The following NTRK2 variants were observed in gnomAD, a reference collection of about 807,000 sequenced individuals.
The protein encoded by NTRK2 is neurotrophic receptor tyrosine kinase 2.
A neutral mutation model predicts 94.5 loss-of-function variants in NTRK2; 13 were observed. That is an observed-to-expected ratio of 0.14 (90% CI 0.09 to 0.22). NTRK2 has a LOEUF of 0.22. NTRK2 is among the 10% of genes least tolerant of loss of function. NTRK2 has a pLI of 1.00. For missense variants in NTRK2, 639 were observed against 1,071.2 expected (o/e 0.60, Z 5.63); for synonymous variants, 372 against 407.4 (o/e 0.91, Z 1.05).
At position 84,724,268 on chromosome 9, in the gene NTRK2, T is replaced by G; in HGVS notation, c.765T>G (p.Ile255Met). The G allele has an allele frequency of 6.2e-7, 1 of 1,614,134 alleles. No homozygotes were observed. The highest frequency in any genetic ancestry group is 1.3e-5 in the African/African-American group (1 of 75,062). ...HTQGSLRITN[I>M]SSDDSGKQIS... Reference sequence around the variant, plus strand: ...AGGGCTCCTTAAGGATAACTAACATTTCATCCGATGACAGTGGGAAGCAGA... The same window carrying G: ...AGGGCTCCTTAAGGATAACTAACATGTCATCCGATGACAGTGGGAAGCAGA... The change falls in exon 8 of 19, where the codon ATT (isoleucine) becomes ATG (methionine). Residue 255 changes from isoleucine to methionine, a missense_variant. Coordinates refer to ENST00000277120, the MANE Select transcript of NTRK2 (RefSeq NM_006180.6).
Position 84,958,057 on chromosome 9 carries a change from G to A in NTRK2, c.2172+2540G>A, listed in dbSNP as rs1824381825. Among the ~76,000 whole-genome samples the A allele has an allele frequency of 2.6e-5, 4 of 152,146 alleles. No individual in the cohort carries two copies. The South Asian group carries it at 8.3e-4, about 32-fold the overall frequency. On this transcript the variant is annotated intron_variant, in intron 17 of 18. Transcript: ENST00000277120. ...CAGAATAGGCAAATCCATAGAGACA[G>A]GAAGTAGATTAATGGTTACCGGGAG...
At chr9:84,938,011 C>G (rs1401957975) in intron 15 of NTRK2, among the ~76,000 whole-genome samples, 2 of 151,956 alleles carry the variant, frequency 1.3e-5, no homozygotes, top group Non-Finnish European at 2.9e-5. Flanking sequence ...GGAGAGAGAC[C>G]TTAGAAATCA....
At chr9:84,792,976 A>T (rs1037512531) in intron 12 of NTRK2, among the ~76,000 whole-genome samples, 2 of 152,188 alleles carry the variant, frequency 1.3e-5, no homozygotes, top group Non-Finnish European at 2.9e-5. Context: ...AGCTGTAACT[A>T]CCATCAGTAT....
intron 14 of NTRK2, among the ~76,000 whole-genome samples, chr9:84,871,328 G>T (rs2075858270): frequency 6.6e-6 from 1 of 152,108 alleles, no homozygotes; most frequent in South Asian, 2.1e-4. Flanking sequence ...GAGAAAACAG[G>T]TGTTTATTAT....
chr9:84,814,817 C>G (rs2072212496), intron 12 of NTRK2: 1 of 1,064,040 alleles, frequency 9.4e-7, no homozygotes, highest in African/African-American at 1.6e-5. Flanking sequence ...CAGGGCCAGT[C>G]ACATCTAGTC....
chr9:84,829,304 A>T (rs1184711737), intron 12 of NTRK2, among the ~76,000 whole-genome samples: 1 of 152,112 alleles, frequency 6.6e-6, no homozygotes, highest in Admixed American at 6.5e-5. Flanking sequence ...TGGCCCAGAG[A>T]TCAATTTTCA....
intron 17 of NTRK2, among the ~76,000 whole-genome samples, chr9:84,970,472 A>G (rs1186866202): frequency 6.6e-6 from 1 of 152,208 alleles, no homozygotes; most frequent in Non-Finnish European, 1.5e-5. Context: ...TGCACCTTAA[A>G]TAGTGCCTAC....
intron 17 of NTRK2, among the ~76,000 whole-genome samples, chr9:84,990,964 G>T (rs765350793): frequency 1.3e-5 from 2 of 151,998 alleles, no homozygotes; most frequent in African/African-American, 4.8e-5. Flanking sequence ...TAAAGGCTCC[G>T]AATGCTGTTG....
chr9:84,795,587 T>C (rs188469044), intron 12 of NTRK2, among the ~76,000 whole-genome samples: 7 of 152,128 alleles, frequency 4.6e-5, no homozygotes, highest in African/African-American at 1.7e-4. Flanking sequence ...GCCCCAGGTC[T>C]CTTCAACTCT....
intron 12 of NTRK2, among the ~76,000 whole-genome samples, chr9:84,767,616 GT>G (rs1446095369): frequency 6.6e-6 from 1 of 152,144 alleles, no homozygotes; most frequent in Non-Finnish European, 1.5e-5. Context: ...GAATGACTGA[GT>G]GTCACAGTGC....
chr9:84,814,844 T>C, intron 12 of NTRK2: 1 of 1,063,732 alleles, frequency 9.4e-7, no homozygotes, highest in Non-Finnish European at 1.1e-6. Context: ...CCCAGAGCCC[T>C]TGGAGTTGCG....
At chr9:84,672,765 A>G (rs2058778038) in intron 2 of NTRK2, among the ~76,000 whole-genome samples, 1 of 152,246 alleles carries the variant, frequency 6.6e-6, no homozygotes, top group Non-Finnish European at 1.5e-5. Flanking sequence ...TTATTATTTC[A>G]GACCTTCCTG....
intron 12 of NTRK2, among the ~76,000 whole-genome samples, chr9:84,776,674 C>A (rs116655065): frequency 6.6e-6 from 1 of 152,204 alleles, no homozygotes; most frequent in East Asian, 1.9e-4. Context: ...TTTTACACAG[C>A]ATGTGGCATG....
intron 14 of NTRK2, among the ~76,000 whole-genome samples, chr9:84,921,983 T>C (rs942657866): frequency 6.6e-6 from 1 of 152,222 alleles, no homozygotes; most frequent in Non-Finnish European, 1.5e-5. Flanking sequence ...TGTGCATGTA[T>C]TGCTTTTTAA....
At chr9:84,963,272 A>G (rs192672643) in intron 17 of NTRK2, among the ~76,000 whole-genome samples, 1 of 152,250 alleles carries the variant, frequency 6.6e-6, no homozygotes, top group Non-Finnish European at 1.5e-5. Context: ...CTCACTCGCC[A>G]GAGATCAATG....
chr9:84,983,555 C>T, intron 17 of NTRK2, among the ~76,000 whole-genome samples: 1 of 152,112 alleles, frequency 6.6e-6, no homozygotes, highest in East Asian at 1.9e-4. Flanking sequence ...AAGTACAAAT[C>T]ATTTGAAGAT....
chr9:84,905,401 T>C (rs189435414), intron 14 of NTRK2, among the ~76,000 whole-genome samples: 1 of 152,226 alleles, frequency 6.6e-6, no homozygotes, highest in Non-Finnish European at 1.5e-5. Flanking sequence ...TGAAATTTTC[T>C]GCTTCACCTG....
At chr9:84,920,468 A>G (rs1332012893) in intron 14 of NTRK2, among the ~76,000 whole-genome samples, 2 of 152,078 alleles carry the variant, frequency 1.3e-5, no homozygotes, top group Non-Finnish European at 2.9e-5. Flanking sequence ...CCACTCATCC[A>G]GTTGTCCCTC....
At chr9:84,678,579 C>T (rs1329870270) in intron 2 of NTRK2, among the ~76,000 whole-genome samples, 1 of 152,152 alleles carries the variant, frequency 6.6e-6, no homozygotes, top group Non-Finnish European at 1.5e-5. Flanking sequence ...TGGCAAGTGA[C>T]CTCTCTTTTC....
Sources: allele counts gnomAD v4.1 joint callset (sites outside exome capture counted in the v4.1 genomes callset), GRCh38; gene constraint gnomAD v4.1.1; transcripts MANE v1.5; gene names NCBI Gene and HGNC (gene_info 2026-07-23, HGNC 2026-07-21).